Variants in ZMYM6 observed in about 807,000 individuals in gnomAD.
The protein encoded by ZMYM6 is zinc finger MYM-type containing 6, also known as zinc finger MYM-type protein 6.
Under a neutral mutation model 134.0 loss-of-function variants are expected in ZMYM6, and 90 were observed. The observed-to-expected ratio is 0.67, with a 90% CI of 0.57 to 0.80. The LOEUF is 0.80. ZMYM6 is among the 30% of genes least tolerant of loss of function. The pLI is 0.00. For synonymous variants in ZMYM6, 481 were observed against 524.1 expected, an observed-to-expected ratio of 0.92 and a Z score of 1.12; for missense variants, 1,362 against 1,533.9, an observed-to-expected ratio of 0.89 and a Z score of 1.87.
chr1:35,006,053 G>C (rs1640960623), intron 12 of ZMYM6, among the ~76,000 whole-genome samples: 1 of 152,190 alleles, frequency 6.6e-6, no homozygotes, highest in Admixed American at 6.5e-5. Context: ...TGTAGCCCAG[G>C]CTGGAGTGCC....
At chr1:35,027,087 C>T (rs889496163) in intron 2 of ZMYM6, among the ~76,000 whole-genome samples, 16 of 152,170 alleles carry the variant, frequency 1.1e-4, no homozygotes. Context: ...ATTTTGCCAG[C>T]CTACCTAGCT....
chr1:35,010,693 T>A, intron 9 of ZMYM6, 65 bp downstream of exon 9: 1 of 1,539,866 alleles, frequency 6.5e-7, no homozygotes, highest in Non-Finnish European at 8.7e-7. Flanking sequence ...TGATCAAAAT[T>A]GAAAACACAA....
At chr1:35,007,433 C>A (rs796954196) in intron 11 of ZMYM6, among the ~76,000 whole-genome samples, 3 of 151,942 alleles carry the variant, frequency 2.0e-5, no homozygotes, top group Admixed American at 6.6e-5. Context: ...TACTAAAGTA[C>A]AAAAATTAGC....
chr1:34,987,201 G>C lies in ZMYM6; in HGVS notation c.3881C>G (p.Ser1294Ter), dbSNP rs1179005020. The C allele has an allele frequency of 6.2e-7, 1 of 1,610,914 alleles. No homozygotes were observed. The highest frequency in any genetic ancestry group is 8.5e-7 in the Non-Finnish European group (1 of 1,179,040). ...CDAAFSALTE[S>*]KQKNLLGSGP... ...AGAACCCAACAGATTTTTTTGTTTT[G>C]ACTCAGTCAAAGCTGAAAAGGCAGC... Residue 1294 changes from serine (S) to a stop codon, truncating the protein, a stop_gained, in exon 16 of 16, where the codon TCA (serine) becomes TGA (stop). Transcript: ENST00000357182. LOFTEE classifies it high-confidence loss of function.
chr1:35,021,917 C>A (rs1239742301), intron 2 of ZMYM6, among the ~76,000 whole-genome samples: 1 of 152,140 alleles, frequency 6.6e-6, no homozygotes, highest in Non-Finnish European at 1.5e-5. Context: ...AATACCCTTA[C>A]ATATTTCAAA....
chr1:35,029,445 T>C (rs1309292169), intron 2 of ZMYM6, among the ~76,000 whole-genome samples: 1 of 151,982 alleles, frequency 6.6e-6, no homozygotes, highest in Non-Finnish European at 1.5e-5. Flanking sequence ...GATAATAATA[T>C]GGTGGTAAGA....
intron 2 of ZMYM6, among the ~76,000 whole-genome samples, chr1:35,026,462 C>T (rs1037664740): frequency 3.9e-5 from 6 of 152,128 alleles, no homozygotes; most frequent in African/African-American, 1.4e-4. Flanking sequence ...GTTCAATTGG[C>T]TTTTCAATCA....
chr1:34,993,465 G>A (rs542752435), intron 14 of ZMYM6, among the ~76,000 whole-genome samples: 1 of 152,232 alleles, frequency 6.6e-6, no homozygotes, highest in Admixed American at 6.5e-5. Flanking sequence ...AAGTAGAAAA[G>A]ACTGATACAT....
At chr1:35,013,381 A>G in intron 6 of ZMYM6, 4 of 983,658 alleles carry the variant, frequency 4.1e-6, no homozygotes, top group Non-Finnish European at 4.8e-6. Context: ...CAATATGAAA[A>G]GAAATTGTAG....
chr1:35,030,222 G>C, intron 2 of ZMYM6: 1 of 197,852 alleles, frequency 5.1e-6, no homozygotes, highest in South Asian at 1.2e-4. Context: ...TTGAGCTCAG[G>C]AGTTTGAGAC....
Position 35,007,012 on chromosome 1 carries a change from T to C in ZMYM6, c.1752A>G (p.Leu584=), listed in dbSNP as rs750414559. ...GATGACAAAACTCCAAGACACAAAA[T>C]AGGTTACAGAAATGTTTAATGTTGC... ...WRGNIKHFCN[L]FCVLEFCHQQ... is the part of the protein sequence containing the mutation. Residue 584 remains leucine, a synonymous_variant, in exon 12 of 16, where the codon CTA becomes CTG. Transcript: ENST00000357182. The C allele has an allele frequency of 1.9e-6, 3 of 1,613,450 alleles. No individual in the cohort carries two copies. The highest frequency in any genetic ancestry group is 2.2e-5 in the East Asian group (1 of 44,846).
chr1:35,017,491 ATC>A (rs1641225607), intron 4 of ZMYM6: 1 of 150,952 alleles, frequency 6.6e-6, no homozygotes, highest in Non-Finnish European at 1.5e-5. Context: ...TATAATGAAA[ATC>A]TGTGCACATA....
intron 4 of ZMYM6, 88 bp from the exon 5 acceptor site, chr1:35,015,250 A>C: frequency 7.8e-7 from 1 of 1,276,838 alleles, no homozygotes; most frequent in Admixed American, 2.7e-5. Flanking sequence ...ACACTTACTA[A>C]GGGCAGGTAC....
Position 35,008,758 on chromosome 1 carries a change from A to G in ZMYM6, c.1659T>C (p.Phe553=), listed in dbSNP as rs778090906. The G allele has an allele frequency of 2.5e-6, 4 of 1,613,530 alleles. No individual in the cohort carries two copies. The highest frequency in any genetic ancestry group is 1.1e-5 in the South Asian group (1 of 90,840). ...AGTATATTATCACATTTACCTGATA[A>G]AACAGAACTGTAAATTTGGACATAC... The part of the protein sequence containing the change: ...EDCMSKFTVL[F]YQMAKCDGCK... Residue 553 remains phenylalanine (F), a synonymous_variant, in exon 11 of 16, where the codon TTT becomes TTC. Coordinates refer to ENST00000357182, the MANE Select transcript of ZMYM6 (RefSeq NM_007167.4).
intron 15 of ZMYM6, among the ~76,000 whole-genome samples, chr1:34,990,767 AT>A (rs1345357586): frequency 6.6e-6 from 1 of 152,230 alleles, no homozygotes; most frequent in Admixed American, 6.5e-5. Context: ...TTGGAAAAAA[AT>A]AATCTCAATG....
At position 35,008,787 on chromosome 1, in the gene ZMYM6, C is replaced by G; in HGVS notation, c.1630G>C (p.Asp544His). The G allele has an allele frequency of 1.2e-6, 2 of 1,614,028 alleles. No homozygotes were observed. The highest frequency in any genetic ancestry group is 1.7e-6 in the Non-Finnish European group (2 of 1,179,966). ...AGAACTGTAAATTTGGACATACAATCTTCACAACAAAACTCTTCTAACTTG... is the reference window on the plus strand; with the variant it reads ...AGAACTGTAAATTTGGACATACAATGTTCACAACAAAACTCTTCTAACTTG... Reference protein sequence around the residue: ...EGKLEEFCCEDCMSKFTVLFY... With the variant: ...EGKLEEFCCEHCMSKFTVLFY... Residue 544 changes from aspartate (D) to histidine (H), a missense_variant, in exon 11 of 16, where the codon GAT becomes CAT. By Grantham distance (81) the Asp-to-His change is moderately conservative (BLOSUM62 -1). This residue lies in a region of ZMYM6 where 824 missense variants were observed against 940.9 expected (regional missense o/e 0.88). Transcript: ENST00000357182.
At position 35,008,930 on chromosome 1, in the gene ZMYM6, G is replaced by A. The variant is rs372708193; in HGVS notation, c.1493-6C>T. ...GGCAGAGAGGAATTTGCAAACTGAG[G>A]ATCAGAGGGATGAAAGGAAGAAAAA... On this transcript the variant is annotated splice_region_variant and splice_polypyrimidine_tract_variant and intron_variant, in intron 10 of 15. Coordinates refer to ENST00000357182, the MANE Select transcript of ZMYM6 (RefSeq NM_007167.4). The A allele has an allele frequency of 1.1e-5, 18 of 1,605,930 alleles. No homozygotes were observed. In the African/African-American group the frequency reaches 2.4e-4, roughly 22 times the overall value.
chr1:34,999,926 TTTTA>T (rs571506644), intron 14 of ZMYM6, among the ~76,000 whole-genome samples: 3 of 152,172 alleles, frequency 2.0e-5, no homozygotes, highest in South Asian at 2.1e-4. Flanking sequence ...TAGCGGATAT[TTTTA>T]TTTATTTATT....
At chr1:35,017,514 G>A (rs950887315) in intron 4 of ZMYM6, 4 of 152,086 alleles carry the variant, frequency 2.6e-5, no homozygotes, top group African/African-American at 4.8e-5. Context: ...AATTATAAGT[G>A]TACTCTGAAC....
Sources: allele counts gnomAD v4.1 joint callset (sites outside exome capture counted in the v4.1 genomes callset), GRCh38; gene constraint gnomAD v4.1.1; regional missense constraint gnomAD v4.1.1; transcripts MANE v1.5; gene names NCBI Gene and HGNC (gene_info 2026-07-23, HGNC 2026-07-21).